CSMD1: variants seen among roughly 807,000 people sequenced by gnomAD.
The protein encoded by CSMD1 is CUB and sushi domain-containing protein 1.
In CSMD1, 213 loss-of-function variants were observed where a neutral mutation model predicts 417.5. The observed-to-expected ratio is 0.51, with a 90% confidence interval of 0.46 to 0.57. The LOEUF is 0.57. Among genes scored for constraint, CSMD1 ranks in the 20% least tolerant of loss-of-function variants. CSMD1 has a pLI of 0.00. For missense variants in CSMD1, 6,923 were observed against 4,529.7 expected (o/e 1.53, Z -15.17); for synonymous variants, 2,862 against 1,736.8 (o/e 1.65, Z -16.11).
chr8:4,714,134 G>A (rs751980000), intron 1 of CSMD1, among the ~76,000 whole-genome samples: 11 of 151,850 alleles, frequency 7.2e-5, no homozygotes, highest in Admixed American at 1.3e-4. Context: ...GACAGAACGC[G>A]ACTCTGTCTC....
intron 1 of CSMD1, among the ~76,000 whole-genome samples, chr8:4,648,585 A>AT (rs140709076): frequency 0.016 from 2,351 of 151,672 alleles, 57 homozygotes; most frequent in East Asian, 0.11. Context: ...AAAAAATGTG[A>AT]TTTTTTTTTG....
rs368155080 is a variant in CSMD1 at position 4,712,603 on chromosome 8, G to C, written c.86-75045C>G. Among the ~76,000 whole-genome samples, 4 of 152,320 alleles carry C rather than the reference G, an allele frequency of 2.6e-5. No homozygotes were observed. The East Asian group carries it at 7.7e-4, about 29-fold the overall frequency. On this transcript the variant is annotated intron_variant, in intron 1 of 69. Coordinates refer to ENST00000635120, the MANE Select transcript of CSMD1 (RefSeq NM_033225.6). Reference sequence around the variant, plus strand: ...GCTTTAGAATACTGAAGATATTTAAGATCTAGGATTTGTTTATTTTTGATG... The same window carrying C: ...GCTTTAGAATACTGAAGATATTTAACATCTAGGATTTGTTTATTTTTGATG...
At chr8:4,626,065 G>C (rs1454205472) in intron 2 of CSMD1, among the ~76,000 whole-genome samples, 9 of 152,112 alleles carry the variant, frequency 5.9e-5, no homozygotes, top group South Asian at 2.1e-4. Context: ...GGACTTGTAA[G>C]AACTGACATT....
intron 23 of CSMD1, among the ~76,000 whole-genome samples, chr8:3,318,338 T>A (rs1289089224): frequency 6.6e-6 from 1 of 152,100 alleles, no homozygotes; most frequent in Non-Finnish European, 1.5e-5. Context: ...AAATCTGGAG[T>A]AGCATATCCT....
At chr8:4,847,777 ATT>A (rs34765624) in intron 1 of CSMD1, among the ~76,000 whole-genome samples, 1,907 of 138,256 alleles carry the variant, frequency 0.014, 31 homozygotes, top group African/African-American at 0.041. Context: ...CTCTATCGGG[ATT>A]TTTTTTTTTT....
rs186719095 is a variant in CSMD1 at position 4,143,691 on chromosome 8, T to C, written c.416-111592A>G. Among the ~76,000 whole-genome samples, 14 of 150,918 alleles carry C rather than the reference T, an allele frequency of 9.3e-5. 1 individual carries two copies. The highest frequency in any genetic ancestry group is 1.6e-4 in the Non-Finnish European group (11 of 68,008). On this transcript the variant is annotated intron_variant, in intron 3 of 69. Transcript: ENST00000635120. Reference sequence around the variant, plus strand: ...GTTCTTGGCATTTAGAATAATTGGATAAGATACACAAAGTAACAAAGGAAA... The same window carrying C: ...GTTCTTGGCATTTAGAATAATTGGACAAGATACACAAAGTAACAAAGGAAA...
chr8:3,506,347 G>T (rs760736429), intron 10 of CSMD1, among the ~76,000 whole-genome samples: 3 of 152,156 alleles, frequency 2.0e-5, no homozygotes, highest in Non-Finnish European at 4.4e-5. Flanking sequence ...GAGGCTTGCC[G>T]GAGTTTGCAT....
chr8:4,288,032 C>G (rs558267821), intron 3 of CSMD1, among the ~76,000 whole-genome samples: 12 of 152,250 alleles, frequency 7.9e-5, no homozygotes, highest in Admixed American at 3.9e-4. Context: ...CTGCAACCAT[C>G]AAAAGACAGA....
At chr8:3,544,038 G>C (rs369868852) in intron 10 of CSMD1, among the ~76,000 whole-genome samples, 22 of 152,210 alleles carry the variant, frequency 1.4e-4, no homozygotes, top group African/African-American at 4.8e-4. Flanking sequence ...TCTTCCACAG[G>C]TGAAGTGTCC....
intron 1 of CSMD1, among the ~76,000 whole-genome samples, chr8:4,929,335 A>G (rs1227873132): frequency 6.6e-6 from 1 of 152,128 alleles, no homozygotes. Flanking sequence ...TAAGCCACCT[A>G]CCCTATCACA....
chr8:3,672,678 C>A (rs1029038972), intron 7 of CSMD1, among the ~76,000 whole-genome samples: 4 of 152,090 alleles, frequency 2.6e-5, no homozygotes, highest in Non-Finnish European at 4.4e-5. Context: ...GGCATCTGTT[C>A]CCAAGGCTGT....
intron 1 of CSMD1, among the ~76,000 whole-genome samples, chr8:4,853,978 G>A (rs570096483): frequency 1.3e-5 from 2 of 152,022 alleles, no homozygotes; most frequent in Non-Finnish European, 2.9e-5. Flanking sequence ...TTTTCCTTTG[G>A]TATGAGAATA....
intron 1 of CSMD1, among the ~76,000 whole-genome samples, chr8:4,972,510 C>CA (rs1355888569): frequency 6.6e-6 from 1 of 152,146 alleles, no homozygotes; most frequent in African/African-American, 2.4e-5. Context: ...ACTTCCCCTT[C>CA]ACCTGCCATG....
At chr8:3,772,336 C>CATACATATGTACATATATTTAGAT (rs1798627754) in intron 5 of CSMD1, among the ~76,000 whole-genome samples, 1 of 30,766 alleles carries the variant, frequency 3.3e-5, no homozygotes, top group Non-Finnish European at 5.9e-5. Context: ...TATATTTAGA[C>CATACATATGTACATATATTTAGAT]ATACATATAT....
chr8:3,068,052 C>T (rs1231224588), intron 49 of CSMD1, among the ~76,000 whole-genome samples: 1 of 151,930 alleles, frequency 6.6e-6, no homozygotes, highest in African/African-American at 2.4e-5. Context: ...TTGCCTTTTC[C>T]CTTATATTTC....
chr8:3,298,736 A>T (rs1369173712), intron 25 of CSMD1, among the ~76,000 whole-genome samples: 1 of 152,152 alleles, frequency 6.6e-6, no homozygotes, highest in Non-Finnish European at 1.5e-5. Flanking sequence ...TTACAGGCGT[A>T]AGCCATCGTG....
chr8:4,057,170 T>A (rs534051895), intron 3 of CSMD1, among the ~76,000 whole-genome samples: 3 of 152,290 alleles, frequency 2.0e-5, no homozygotes, highest in African/African-American at 7.2e-5. Context: ...GTGTTCCTAT[T>A]TCTCCACATC....
Position 4,454,470 on chromosome 8 carries a change from C to T in CSMD1, c.303-34405G>A, listed in dbSNP as rs567434797. On this transcript the variant is annotated intron_variant, in intron 2 of 69. Transcript: ENST00000635120. ...CACCGCCGTTTGAGTATAAACTCTT[C>T]AAGTATTTTGTTCCCCTAGTCACAT... is the stretch of plus-strand genomic sequence containing the variant. Among the ~76,000 whole-genome samples the T allele has an allele frequency of 4.6e-5, 7 of 152,286 alleles. No homozygotes were observed. The South Asian group carries it at 1.0e-3, about 23-fold the overall frequency.
intron 12 of CSMD1, among the ~76,000 whole-genome samples, chr8:3,421,612 G>C (rs767006752): frequency 1.3e-5 from 2 of 152,080 alleles, no homozygotes; most frequent in African/African-American, 2.4e-5. Flanking sequence ...AAAATCCCCA[G>C]ATTTCTAAAT....
Sources: gnomAD v4.1 joint callset for allele counts (sites outside exome capture counted in the v4.1 genomes callset) on GRCh38, gnomAD v4.1.1 for gene constraint, MANE v1.5 for transcripts, NCBI Gene and HGNC (gene_info 2026-07-23, HGNC 2026-07-21) for gene names.